The following COX7B2 variants were observed in gnomAD, a reference collection of about 807,000 sequenced individuals.
The protein encoded by COX7B2 is cytochrome c oxidase subunit 7B2.
For synonymous variants in COX7B2, 37 were observed against 32.1 expected, an observed-to-expected ratio of 1.15 and a Z score of -0.51; for missense variants, 109 against 95.9, an observed-to-expected ratio of 1.14 and a Z score of -0.57.
In COX7B2 at chr4:46,735,062, G is replaced by A. The variant is rs758050453; in HGVS notation, c.131C>T (p.Ala44Val). The change falls in exon 3 of 3, where the codon GCC becomes GTC. Residue 44 changes from alanine to valine, a missense_variant. Ala to Val is a moderately conservative substitution (Grantham distance 64). Transcript: ENST00000355591. ...FHDKYGNAVLASGTAFCVATW... is the reference protein window; with the variant it reads ...FHDKYGNAVLVSGTAFCVATW... ...AGCAACACAGAAAGCAGTTCCACTG[G>A]CTAGCACAGCATTACCATATTTATC... The A allele has an allele frequency of 6.2e-7, 1 of 1,614,002 alleles. No individual in the cohort carries two copies.
chr4:46,802,801 T>C (rs1237230029), intron 2 of COX7B2, among the ~76,000 whole-genome samples: 3 of 152,160 alleles, frequency 2.0e-5, no homozygotes, highest in Admixed American at 2.0e-4. Flanking sequence ...TTGCTTAAAT[T>C]ATCCCCACAA....
intron 1 of COX7B2, among the ~76,000 whole-genome samples, chr4:46,878,418 T>A (rs1718485078): frequency 6.6e-6 from 1 of 151,370 alleles, no homozygotes. Flanking sequence ...AAAAAAAAGG[T>A]GATGGATAGG....
At chr4:46,758,264 TGAG>T (rs138550596) in intron 2 of COX7B2, among the ~76,000 whole-genome samples, 49,631 of 151,702 alleles carry the variant, frequency 0.33, 8,333 homozygotes, top group South Asian at 0.47. Flanking sequence ...TACTTTCTAA[TGAG>T]GTATAGAGCT....
chr4:46,734,852 A>AT lies in COX7B2; in HGVS notation c.*94dup. On this transcript the variant is annotated 3_prime_UTR_variant, in exon 3 of 3. Coordinates refer to ENST00000355591, the MANE Select transcript of COX7B2 (RefSeq NM_130902.3). ...TTTTTAAAGATTTAAAACACATTTT[A>AT]TTTTTTCAATTGTGCTATATTTTAA... The AT allele has an allele frequency of 7.1e-7, 1 of 1,408,906 alleles. No homozygotes were observed. Among genetic ancestry groups the AT allele is most frequent in the Non-Finnish European group, 9.8e-7 (1 of 1,017,478 alleles). The allele number at this position is 1,408,906 out of a possible 1,614,324, so 87.3% of individuals were successfully genotyped here.
intron 2 of COX7B2, among the ~76,000 whole-genome samples, chr4:46,784,493 C>T (rs186843137): frequency 1.2e-4 from 18 of 152,102 alleles, no homozygotes; most frequent in Non-Finnish European, 2.4e-4. Flanking sequence ...GACATGGTGG[C>T]GCATGCCTGT....
At chr4:46,737,212 T>C (rs772068781) in intron 2 of COX7B2, among the ~76,000 whole-genome samples, 2 of 152,202 alleles carry the variant, frequency 1.3e-5, no homozygotes, top group Non-Finnish European at 2.9e-5. Context: ...TCTTTTTATA[T>C]GCTTGTTTGC....
chr4:46,837,240 A>G (rs1310796228), intron 2 of COX7B2, among the ~76,000 whole-genome samples: 3 of 150,628 alleles, frequency 2.0e-5, no homozygotes. Context: ...TCAACAGATG[A>G]ATGGATAAAA....
rs561829016 is a variant in COX7B2 at position 46,774,264 on chromosome 4, A to T, written c.-49-39023T>A. ...CCCTTCTTGGCTTGGTTAGCAACAC[A>T]TTTATAACCCGTTACCTTAGGGTCT... On this transcript the variant is annotated intron_variant, in intron 2 of 2. Coordinates refer to ENST00000355591, the MANE Select transcript of COX7B2 (RefSeq NM_130902.3). 3.3e-5 allele frequency among the ~76,000 whole-genome samples: 5 copies of T among 152,258 alleles called. No homozygotes were observed. The South Asian group carries it at 1.0e-3, about 32-fold the overall frequency.
At chr4:46,793,731 A>C (rs1718171581) in intron 2 of COX7B2, among the ~76,000 whole-genome samples, 1 of 152,212 alleles carries the variant, frequency 6.6e-6, no homozygotes, top group Non-Finnish European at 1.5e-5. Flanking sequence ...TGACTGACTG[A>C]TTACAATGCA....
chr4:46,763,525 C>T (rs1178304026), intron 2 of COX7B2, among the ~76,000 whole-genome samples: 1 of 151,734 alleles, frequency 6.6e-6, no homozygotes, highest in African/African-American at 2.4e-5. Flanking sequence ...TGCTTCTGAC[C>T]ATTTCTATTA....
chr4:46,804,468 G>T (rs1300255967), intron 2 of COX7B2, among the ~76,000 whole-genome samples: 2 of 152,006 alleles, frequency 1.3e-5, no homozygotes, highest in Non-Finnish European at 2.9e-5. Context: ...TGATTGGTGT[G>T]TTTACAATCC....
intron 2 of COX7B2, among the ~76,000 whole-genome samples, chr4:46,802,068 G>A (rs1433682909): frequency 1.3e-5 from 2 of 152,070 alleles, no homozygotes; most frequent in African/African-American, 2.4e-5. Context: ...CAGCTTAGAA[G>A]GCAATGAGAT....
At chr4:46,861,782 A>G (rs1488258929) in intron 1 of COX7B2, among the ~76,000 whole-genome samples, 1 of 152,138 alleles carries the variant, frequency 6.6e-6, no homozygotes, top group Non-Finnish European at 1.5e-5. Context: ...CAGCTGTGCC[A>G]GTTTTGCTGG....
intron 2 of COX7B2, among the ~76,000 whole-genome samples, chr4:46,806,720 C>A (rs961828782): frequency 6.6e-6 from 1 of 152,054 alleles, no homozygotes; most frequent in African/African-American, 2.4e-5. Context: ...AACCACTACT[C>A]TGTTTTTTTA....
At chr4:46,908,993 G>C (rs900442498) in intron 1 of COX7B2, among the ~76,000 whole-genome samples, 167 bp downstream of exon 1, 5 of 151,624 alleles carry the variant, frequency 3.3e-5, no homozygotes, top group Non-Finnish European at 7.4e-5. Flanking sequence ...GCAGTGAGCC[G>C]AGATGGCGTC....
intron 2 of COX7B2, among the ~76,000 whole-genome samples, chr4:46,811,440 AT>A (rs562473977): frequency 2.6e-4 from 40 of 151,308 alleles, no homozygotes; most frequent in Non-Finnish European, 5.5e-4. Context: ...AACCATATAT[AT>A]TTTTTTTATT....
At chr4:46,793,400 T>A (rs1718151508) in intron 2 of COX7B2, among the ~76,000 whole-genome samples, 1 of 152,170 alleles carries the variant, frequency 6.6e-6, no homozygotes, top group Non-Finnish European at 1.5e-5. Context: ...ACCTTAGCCA[T>A]TAGGCTGATG....
At chr4:46,861,545 T>G (rs949516593) in intron 1 of COX7B2, among the ~76,000 whole-genome samples, 1 of 152,150 alleles carries the variant, frequency 6.6e-6, no homozygotes. Context: ...AGAAACTCAT[T>G]TCTACTGCAA....
intron 2 of COX7B2, among the ~76,000 whole-genome samples, chr4:46,839,685 G>A (rs1031351028): frequency 6.6e-6 from 1 of 151,908 alleles, no homozygotes; most frequent in African/African-American, 2.4e-5. Flanking sequence ...GCTTTTCTAC[G>A]TAACTACTGT....
Sources: gnomAD v4.1 joint callset for allele counts (sites outside exome capture counted in the v4.1 genomes callset) on GRCh38, gnomAD v4.1.1 for gene constraint, MANE v1.5 for transcripts, NCBI Gene and HGNC (gene_info 2026-07-23, HGNC 2026-07-21) for gene names.